The following KDM6A variants were observed in gnomAD, a reference collection of about 807,000 sequenced individuals.
The protein encoded by KDM6A is lysine demethylase 6A.
A neutral mutation model predicts 117.6 loss-of-function variants in KDM6A; 11 were observed. The observed-to-expected ratio is 0.09, with a 90% CI of 0.06 to 0.15. KDM6A has a LOEUF of 0.15. Ranked by LOEUF, KDM6A falls within the 10% of genes least tolerant of loss-of-function variation. KDM6A has a pLI of 1.00. For synonymous variants in KDM6A, 384 were observed against 396.1 expected (o/e 0.97, Z 0.36); for missense variants, 799 against 1,077.3 (o/e 0.74, Z 3.62).
chrX:45,110,310 C>G (rs2148309700), intron 29 of KDM6A, 61 bp downstream of exon 29: 1 of 992,269 alleles, frequency 1.0e-6, no homozygotes, highest in East Asian at 3.1e-5. Context: ...AGTGTTTGCT[C>G]TGCCACCTGA....
intron 4 of KDM6A, among the ~76,000 whole-genome samples, chrX:44,993,559 GTTGTTAGTGTTGT>G (rs1227907059): frequency 9.0e-6 from 1 of 110,540 alleles, no homozygotes; most frequent in Non-Finnish European, 1.9e-5. Flanking sequence ...GTTTTAAAAA[GTTGTTAGTGTTGT>G]TTTAGCTCTT....
At chrX:45,078,179 A>C (rs1472630523) in intron 19 of KDM6A, among the ~76,000 whole-genome samples, 1 of 112,147 alleles carries the variant, frequency 8.9e-6, no homozygotes, top group African/African-American at 3.2e-5. Flanking sequence ...TTTCTCCTAC[A>C]TATTTTTGTC....
intron 2 of KDM6A, among the ~76,000 whole-genome samples, chrX:44,940,854 G>C (rs2037269113): frequency 9.0e-6 from 1 of 111,126 alleles, no homozygotes; most frequent in Non-Finnish European, 1.9e-5. Context: ...TGACCAACAT[G>C]GAGAAACCCC....
chrX:45,014,670 A>G (rs2041892195), intron 5 of KDM6A, among the ~76,000 whole-genome samples: 1 of 112,054 alleles, frequency 8.9e-6, no homozygotes, highest in Admixed American at 9.5e-5. Context: ...TCCTAGGGTG[A>G]GAGTAAGTGA....
rs767818671 is a variant in KDM6A, at chrX:44,959,588, C to T, written c.226-1696C>T. On this transcript the variant is annotated intron_variant, in intron 2 of 29. Transcript: ENST00000611820. Reference sequence around the variant, plus strand: ...TAACCTAAGAGTTTTAAAAAAAATACGCTCACTATTATGAGAACTTTATTT... The same window carrying T: ...TAACCTAAGAGTTTTAAAAAAAATATGCTCACTATTATGAGAACTTTATTT... 4.5e-5 allele frequency among the ~76,000 whole-genome samples: 5 copies of T among 110,511 alleles called. No individual in the cohort carries two copies. The East Asian group carries it at 1.1e-3, about 25-fold the overall frequency.
intron 3 of KDM6A, among the ~76,000 whole-genome samples, chrX:44,968,761 A>G (rs1048719652): frequency 2.7e-5 from 3 of 111,446 alleles, no homozygotes; most frequent in African/African-American, 9.8e-5. Flanking sequence ...ACCTGAGGTC[A>G]GGAACTCTAG....
intron 4 of KDM6A, among the ~76,000 whole-genome samples, chrX:44,984,844 G>A (rs1223219490): frequency 2.1e-4 from 23 of 111,623 alleles, no homozygotes; most frequent in African/African-American, 7.5e-4. Context: ...GCCAGATAGT[G>A]TGATGCCTCC....
At chrX:44,891,098 G>A (rs1031688222) in intron 2 of KDM6A, among the ~76,000 whole-genome samples, 3 of 110,212 alleles carry the variant, frequency 2.7e-5, no homozygotes, top group Admixed American at 2.0e-4. Flanking sequence ...TGTTAGGTAC[G>A]TGGTTGGATT....
intron 2 of KDM6A, among the ~76,000 whole-genome samples, chrX:44,925,057 A>C (rs1427177128): frequency 8.9e-6 from 1 of 111,997 alleles, no homozygotes; most frequent in African/African-American, 3.2e-5. Flanking sequence ...GAGATACATT[A>C]GATATTTTGA....
chrX:44,942,324 T>C lies in KDM6A; in HGVS notation c.226-18960T>C, dbSNP rs550736021. 6.3e-5 allele frequency among the ~76,000 whole-genome samples: 7 copies of C among 110,888 alleles called. 1 individual carries two copies. The South Asian group carries it at 2.7e-3, about 43-fold the overall frequency. ...CTGGGATTACAGGTATGAGCCACCA[T>C]GCCTGGCTTTTCTGTTTTTTTAAGA... is the stretch of plus-strand genomic sequence containing the variant. On this transcript the variant is annotated intron_variant, in intron 2 of 29. Coordinates refer to ENST00000611820, the MANE Select transcript of KDM6A (RefSeq NM_001291415.2).
rs1215825916 is a variant in KDM6A at position 45,069,695 on chromosome X, C to T, written c.2196C>T (p.Asn732=). 8.3e-7 allele frequency: 1 copy of T among 1,210,039 alleles called. No individual in the cohort carries two copies. The highest frequency in any genetic ancestry group is 1.8e-5 in the South Asian group (1 of 56,742). Residue 732 remains asparagine, a synonymous_variant, in exon 18 of 30, where the codon AAC becomes AAT. Coordinates refer to ENST00000611820, the MANE Select transcript of KDM6A (RefSeq NM_001291415.2). ...QAAGSGIQNQ[N]GHPTLPSNSV... The stretch of plus-strand genomic sequence containing the variant: ...CTGGCTCTGGTATTCAGAATCAGAA[C>T]GGACATCCCACCCTGCCTAGCAATT...
At position 45,031,211 on chromosome X, in the gene KDM6A, TC is replaced by T. The variant is rs768467065; in HGVS notation, c.565-3719del. Among the ~76,000 whole-genome samples the T allele has an allele frequency of 2.3e-3, 255 of 112,000 alleles. 1 individual carries two copies. Among genetic ancestry groups the T allele is most frequent in the African/African-American group, 8.1e-3 (249 of 30,841 alleles). On this transcript the variant is annotated intron_variant, in intron 6 of 29. Transcript: ENST00000611820. ...TTTCCTCATCTATATCTTTTTGGAT[TC>T]TGTTATGGAGTTGTCTTTCCTGTGT...
chrX:45,006,191 G>A (rs2041477036), intron 4 of KDM6A, among the ~76,000 whole-genome samples: 1 of 89,834 alleles, frequency 1.1e-5, no homozygotes, highest in African/African-American at 4.3e-5. Flanking sequence ...GTTGCCAAGA[G>A]CTTGGGTTAT....
chrX:44,934,091 G>T (rs768026734), intron 2 of KDM6A, among the ~76,000 whole-genome samples: 1 of 111,777 alleles, frequency 8.9e-6, no homozygotes, highest in Non-Finnish European at 1.9e-5. Context: ...TTTTCTATAG[G>T]TTCCTATCAC....
chrX:45,009,461 G>T (rs777583330), intron 4 of KDM6A, among the ~76,000 whole-genome samples: 1 of 111,438 alleles, frequency 9.0e-6, no homozygotes, highest in Non-Finnish European at 1.9e-5. Flanking sequence ...ACTGCAACCT[G>T]TTTTTATCAG....
At chrX:44,903,150 A>G (rs990332930) in intron 2 of KDM6A, among the ~76,000 whole-genome samples, 1 of 112,099 alleles carries the variant, frequency 8.9e-6, no homozygotes, top group African/African-American at 3.2e-5. Flanking sequence ...TTCAACCTGG[A>G]TGACTGCCTT....
intron 5 of KDM6A, among the ~76,000 whole-genome samples, chrX:45,016,611 C>T (rs2041982017): frequency 9.0e-6 from 1 of 110,969 alleles, no homozygotes; most frequent in Admixed American, 9.6e-5. Context: ...GCTATTCTTC[C>T]GCCTCAGCCT....
At chrX:45,069,430 A>G (rs1461556169) in intron 17 of KDM6A, 149 bp from the exon 18 acceptor site, 2 of 514,751 alleles carry the variant, frequency 3.9e-6, no homozygotes, top group East Asian at 3.7e-5. Context: ...GCTAAGTTGC[A>G]GGTACTTTTT....
At chrX:44,974,831 T>C in intron 4 of KDM6A, 116 bp downstream of exon 4, 1 of 565,690 alleles carries the variant, frequency 1.8e-6, no homozygotes, top group Non-Finnish European at 3.1e-6. Context: ...AAATATTGCT[T>C]CTAGGGGAAA....
Sources: allele counts gnomAD v4.1 joint callset (sites outside exome capture counted in the v4.1 genomes callset), GRCh38; gene constraint gnomAD v4.1.1; transcripts MANE v1.5; gene names NCBI Gene and HGNC (gene_info 2026-07-23, HGNC 2026-07-21).